TRIM36: variants seen among roughly 807,000 people sequenced by gnomAD.
TRIM36 encodes the protein E3 ubiquitin-protein ligase TRIM36.
A neutral mutation model predicts 72.4 loss-of-function variants in TRIM36; 42 were observed. The ratio of observed to expected loss-of-function variants is 0.58; its 90% CI spans 0.45 to 0.75. The LOEUF (loss-of-function observed/expected upper bound fraction) is 0.75. Ranked by LOEUF, TRIM36 falls within the 30% of genes least tolerant of loss-of-function variation. The pLI, the probability that TRIM36 is intolerant of heterozygous loss-of-function variation, is 0.00. For synonymous variants in TRIM36, 315 were observed against 282.8 expected (o/e 1.11, Z -1.14); for missense variants, 913 against 857.1 (o/e 1.07, Z -0.81).
chr5:115,135,196 A>C (rs927424207), intron 7 of TRIM36, among the ~76,000 whole-genome samples: 3 of 152,326 alleles, frequency 2.0e-5, no homozygotes, highest in African/African-American at 7.2e-5. Context: ...CTGGAATCAT[A>C]TGCTAAGAAC....
chr5:115,137,687 G>A, intron 5 of TRIM36, 71 bp from the exon 6 acceptor site: 1 of 1,458,028 alleles, frequency 6.9e-7, no homozygotes, highest in Non-Finnish European at 9.1e-7. Flanking sequence ...AACCCAAATG[G>A]CTTTCCACAA....
chr5:115,173,059 C>T (rs1755186061), upstream of TRIM36, among the ~76,000 whole-genome samples: 1 of 152,184 alleles, frequency 6.6e-6, no homozygotes, highest in Non-Finnish European at 1.5e-5. Flanking sequence ...TAAACCACTG[C>T]TTTCCCAGTT....
In TRIM36 at chr5:115,137,493, T is replaced by C. The variant is rs532352888; in HGVS notation, c.955A>G (p.Lys319Glu). ...TACTCTTCCATTTGAGTCTGAAATT[T>C]GTCTAATCTTAGTTTCTTAGAGGAG... ...IDSSKKLRLD[K>E]FQTQMEEYQG... Residue 319 changes from lysine to glutamate, a missense_variant, in exon 6 of 10, where the codon AAA (lysine) becomes GAA (glutamate). By Grantham distance (56) the Lys-to-Glu change is moderately conservative. Coordinates refer to ENST00000513154, the MANE Select transcript of TRIM36 (RefSeq NM_001300759.2). 2 of 1,614,168 alleles carry C rather than the reference T, an allele frequency of 1.2e-6. No individual in the cohort carries two copies. The highest frequency in any genetic ancestry group is 2.2e-5 in the East Asian group (1 of 44,866).
In TRIM36 at chr5:115,126,444, TA is replaced by T; in HGVS notation, c.*58del. On this transcript the variant is annotated 3_prime_UTR_variant, in exon 10 of 10. Transcript: ENST00000513154. ...GCGATATGTAATTAGTTACGAAGGT[TA>T]ACGCTAAGGCATTGCTTTGTTTACA... is the stretch of plus-strand genomic sequence containing the variant. The T allele has an allele frequency of 7.2e-7, 1 of 1,380,708 alleles. No homozygotes were observed. The highest frequency in any genetic ancestry group is 9.9e-7 in the Non-Finnish European group (1 of 1,005,644). The allele number at this position is 1,380,708 out of a possible 1,614,324, so 85.5% of individuals were successfully genotyped here.
At position 115,144,568 on chromosome 5, in the gene TRIM36, T is replaced by C. The variant is rs1753473540; in HGVS notation, c.735+30A>G. The C allele has an allele frequency of 1.9e-6, 3 of 1,612,094 alleles. 1 individual carries two copies. In the Admixed American group the frequency reaches 5.1e-5, roughly 27 times the overall value. ...AGGCATAAAGTAAAGTTACGAAGAA[T>C]CAAAATTCTGTTCCAAAAATAAGTC... On this transcript the variant is annotated intron_variant, in intron 4 of 9. Transcript: ENST00000513154.
chr5:115,145,475 A>T (rs1324260496), intron 3 of TRIM36, among the ~76,000 whole-genome samples: 1 of 152,218 alleles, frequency 6.6e-6, no homozygotes, highest in Non-Finnish European at 1.5e-5. Context: ...CCAACAGATT[A>T]GATTTTAAGC....
chr5:115,133,869 G>T lies in TRIM36; in HGVS notation c.1489C>A (p.Pro497Thr), dbSNP rs1367713444. ...CTGATATTCACCATACCTGGAGCTGGAGGAGTATGAAGAATCAATTCTCTG... is the reference window on the plus strand; with the variant it reads ...CTGATATTCACCATACCTGGAGCTGTAGGAGTATGAAGAATCAATTCTCTG... ...CSRELILHTP[P>T]APVFSFLFDE... The change falls in exon 8 of 10, where the codon CCA becomes ACA. Residue 497 changes from proline (P) to threonine (T), a missense_variant. Pro to Thr is a conservative substitution (Grantham distance 38, BLOSUM62 -1). Coordinates refer to ENST00000513154, the MANE Select transcript of TRIM36 (RefSeq NM_001300759.2). 6.3e-7 allele frequency: 1 copy of T among 1,591,018 alleles called. No homozygotes were observed. The highest frequency in any genetic ancestry group is 1.3e-5 in the African/African-American group (1 of 74,152).
intron 5 of TRIM36, among the ~76,000 whole-genome samples, chr5:115,138,826 T>C (rs1753112196): frequency 6.6e-6 from 1 of 151,778 alleles, no homozygotes. Flanking sequence ...AGAACATTCT[T>C]TTTTTTTGAG....
upstream of TRIM36, chr5:115,171,346 C>T (rs1425723208): frequency 2.2e-6 from 3 of 1,349,804 alleles, no homozygotes; most frequent in Non-Finnish European, 2.0e-6. Flanking sequence ...AATGCCTGGG[C>T]TGTTCTGATC....
At chr5:115,165,155 C>T (rs1488128064) in intron 1 of TRIM36, among the ~76,000 whole-genome samples, 7 of 152,196 alleles carry the variant, frequency 4.6e-5, no homozygotes, top group Admixed American at 3.9e-4. Context: ...TCATGGCTGG[C>T]ATTGAGTATC....
chr5:115,169,564 C>T (rs1195230419), intron 1 of TRIM36, 44 bp downstream of exon 1: 65 of 1,496,532 alleles, frequency 4.3e-5, no homozygotes, highest in Middle Eastern at 1.7e-4. Flanking sequence ...CCGCGGTCGG[C>T]ACACCGCCCT....
At position 115,147,092 on chromosome 5, in the gene TRIM36, G is replaced by T. The variant is rs1236122114; in HGVS notation, c.565C>A (p.Pro189Thr). The change falls in exon 3 of 10, where the codon CCA becomes ACA. Residue 189 changes from proline (P) to threonine (T), a missense_variant. Transcript: ENST00000513154. ...ACCTTGGGTCTGAAGTTAGTAGTTGGACCAACATACTCATGTTGAGCTTTT... is the reference window on the plus strand; with the variant it reads ...ACCTTGGGTCTGAAGTTAGTAGTTGTACCAACATACTCATGTTGAGCTTTT... ...TIKAQHEYVGPTTNFRPKILM... is the reference protein window; with the variant it reads ...TIKAQHEYVGTTTNFRPKILM... 6.2e-7 allele frequency: 1 copy of T among 1,613,102 alleles called. No homozygotes were observed.
At chr5:115,131,437 G>A (rs1395507101) in intron 8 of TRIM36, among the ~76,000 whole-genome samples, 1 of 152,108 alleles carries the variant, frequency 6.6e-6, no homozygotes, top group Non-Finnish European at 1.5e-5. Flanking sequence ...TCCTACTCAA[G>A]CATTCAACTA....
upstream of TRIM36, among the ~76,000 whole-genome samples, chr5:115,170,235 T>G (rs1193255570): frequency 2.1e-5 from 3 of 144,664 alleles, no homozygotes; most frequent in African/African-American, 7.7e-5. Flanking sequence ...GGTGGGCGGG[T>G]GCCGAGGGCG....
At chr5:115,180,070 A>C in exon 1 of TRIM36, 1 of 1,597,678 alleles carries the variant, frequency 6.3e-7, no homozygotes, top group Non-Finnish European at 8.6e-7. Flanking sequence ...TGGAGGACCG[A>C]CGCGGGTGTA....
intron 2 of TRIM36, among the ~76,000 whole-genome samples, chr5:115,148,120 T>C (rs550158986): frequency 6.6e-6 from 1 of 152,306 alleles, no homozygotes; most frequent in South Asian, 2.1e-4. Flanking sequence ...TATAATTTAG[T>C]GATTTTTAAG....
intron 1 of TRIM36, among the ~76,000 whole-genome samples, chr5:115,167,248 G>A (rs560756672): frequency 4.6e-5 from 7 of 152,198 alleles, no homozygotes; most frequent in Non-Finnish European, 7.3e-5. Context: ...GGCCTGTGAT[G>A]GGGCTCTCTT....
At chr5:115,127,972 T>C (rs1408746034) in intron 9 of TRIM36, among the ~76,000 whole-genome samples, 1 of 151,824 alleles carries the variant, frequency 6.6e-6, no homozygotes, top group African/African-American at 2.4e-5. Flanking sequence ...ATATTGATGA[T>C]GTTGACCCTG....
intron 2 of TRIM36, among the ~76,000 whole-genome samples, chr5:115,155,121 G>A (rs1019015913): frequency 4.6e-5 from 7 of 152,100 alleles, no homozygotes; most frequent in Admixed American, 6.5e-5. Flanking sequence ...CCTGGGAGGC[G>A]GAGGTTGTGG....
Sources: gnomAD v4.1 joint callset for allele counts (sites outside exome capture counted in the v4.1 genomes callset) on GRCh38, gnomAD v4.1.1 for gene constraint, MANE v1.5 for transcripts, NCBI Gene and HGNC (gene_info 2026-07-23, HGNC 2026-07-21) for gene names.